PAK3: variants seen among roughly 807,000 people sequenced by gnomAD.
PAK3 encodes the protein p21 (RAC1) activated kinase 3.
PAK3 carries 4 observed loss-of-function variants against 41.0 expected under a neutral mutation model. That is an observed-to-expected ratio of 0.10 (90% CI 0.05 to 0.22). The LOEUF (loss-of-function observed/expected upper bound fraction) is 0.22, where lower values mean the gene tolerates loss of function less well. Among genes scored for constraint, PAK3 ranks in the 10% least tolerant of loss-of-function variants. The pLI is 1.00. For synonymous variants in PAK3, 146 were observed against 139.6 expected (o/e 1.05, Z -0.32); for missense variants, 205 against 409.9 (o/e 0.50, Z 4.32).
chrX:111,168,708 T>C (rs1484836106), intron 10 of PAK3, among the ~76,000 whole-genome samples: 1 of 111,942 alleles, frequency 8.9e-6, no homozygotes, highest in Non-Finnish European at 1.9e-5. Flanking sequence ...AAAGCCACAT[T>C]AACTGAACCC....
chrX:111,201,127 A>G (rs2094677999), intron 16 of PAK3, among the ~76,000 whole-genome samples: 1 of 112,404 alleles, frequency 8.9e-6, no homozygotes, highest in Middle Eastern at 4.7e-3. Context: ...AACTTTGCTC[A>G]TTACTCTCTG....
chrX:111,189,741 T>C (rs1006649630), intron 11 of PAK3, among the ~76,000 whole-genome samples: 1 of 111,930 alleles, frequency 8.9e-6, no homozygotes, highest in Non-Finnish European at 1.9e-5. Flanking sequence ...TTTTAAATCA[T>C]ATTTTGCAAT....
At chrX:111,026,170 C>T (rs961953752) in intron 1 of PAK3, among the ~76,000 whole-genome samples, 1 of 111,668 alleles carries the variant, frequency 9.0e-6, no homozygotes, top group Non-Finnish European at 1.9e-5. Flanking sequence ...GTAATAAAAG[C>T]CATCTACAAC....
upstream of PAK3, among the ~76,000 whole-genome samples, chrX:111,095,635 T>C (rs962702393): frequency 3.6e-5 from 4 of 112,224 alleles, no homozygotes; most frequent in Non-Finnish European, 7.5e-5. Context: ...GTGTGCTTCA[T>C]ATGCAGAAAA....
intron 1 of PAK3, among the ~76,000 whole-genome samples, chrX:111,030,834 C>T (rs987745636): frequency 2.7e-5 from 3 of 111,833 alleles, no homozygotes; most frequent in African/African-American, 9.7e-5. Flanking sequence ...AACAGTGATA[C>T]AAATGCTGCA....
chrX:111,158,332 A>T (rs1307092302), intron 8 of PAK3, among the ~76,000 whole-genome samples: 3 of 112,172 alleles, frequency 2.7e-5, no homozygotes, highest in African/African-American at 9.7e-5. Context: ...TTCCTAAAGT[A>T]AGAAGCTATG....
intron 10 of PAK3, among the ~76,000 whole-genome samples, chrX:111,167,232 T>C (rs987854188): frequency 2.7e-5 from 3 of 111,259 alleles, no homozygotes; most frequent in Non-Finnish European, 5.7e-5. Context: ...AGCCATCAAG[T>C]ATCTTGGACT....
At chrX:111,136,725 C>T (rs915144919) in intron 5 of PAK3, among the ~76,000 whole-genome samples, 6 of 111,681 alleles carry the variant, frequency 5.4e-5, no homozygotes, top group Non-Finnish European at 1.1e-4. Flanking sequence ...TTGAATATTG[C>T]AGAGAAAGGG....
At chrX:111,013,405 T>C (rs1338684597) in intron 1 of PAK3, among the ~76,000 whole-genome samples, 1 of 111,083 alleles carries the variant, frequency 9.0e-6, no homozygotes, top group East Asian at 2.9e-4. Flanking sequence ...AGACCCTAAT[T>C]CCATCTCTCA....
Position 111,088,664 on chromosome X carries a change from G to T in PAK3, c.-27-34413G>T, listed in dbSNP as rs1470156738. 4.5e-5 allele frequency among the ~76,000 whole-genome samples: 5 copies of T among 111,801 alleles called. No homozygotes were observed. In the Admixed American group the frequency reaches 4.7e-4, roughly 11 times the overall value. On this transcript the variant is annotated intron_variant, in intron 1 of 14. Transcript: ENST00000425146. ...ATTAGCCAAAGACTGTCAGAGACAA[G>T]ACTATAGTCCCACAAACTCAAATTT...
At chrX:110,996,969 A>C (rs2091750815) in intron 1 of PAK3, among the ~76,000 whole-genome samples, 1 of 112,175 alleles carries the variant, frequency 8.9e-6, no homozygotes, top group Non-Finnish European at 1.9e-5. Context: ...GAAACACTTT[A>C]GACAGAGTGA....
chrX:111,076,756 C>T (rs186371050), intron 1 of PAK3, among the ~76,000 whole-genome samples: 2 of 112,101 alleles, frequency 1.8e-5, no homozygotes, highest in African/African-American at 3.2e-5. Context: ...TGTTTACAAT[C>T]AAGAACAAGA....
chrX:111,134,530 G>A lies in PAK3; in HGVS notation c.176-7566G>A, dbSNP rs1348699290. Among the ~76,000 whole-genome samples, 5 of 111,895 alleles carry A rather than the reference G, an allele frequency of 4.5e-5. No individual in the cohort carries two copies. In the Admixed American group the frequency reaches 4.7e-4, roughly 11 times the overall value. ...AAACATTGAGTCAGATGCTGTGCTA[G>A]ATAGGTGCTGGGGTACAAAGGTGAA... is the stretch of plus-strand genomic sequence containing the variant. On this transcript the variant is annotated intron_variant, in intron 5 of 17. Coordinates refer to ENST00000372007, the MANE Select transcript of PAK3 (RefSeq NM_002578.5).
intron 1 of PAK3, among the ~76,000 whole-genome samples, chrX:111,084,463 C>T (rs1428411275): frequency 8.9e-6 from 1 of 112,576 alleles, no homozygotes; most frequent in Admixed American, 9.4e-5. Context: ...AAATGTTTAG[C>T]CCTAACTGTG....
chrX:111,093,065 C>T (rs1287590388), upstream of PAK3, among the ~76,000 whole-genome samples: 4 of 111,754 alleles, frequency 3.6e-5, no homozygotes, highest in African/African-American at 6.5e-5. Flanking sequence ...TTATTAAAAG[C>T]CCCATCCCAG....
chrX:111,130,822 A>C (rs1178205215), intron 5 of PAK3, among the ~76,000 whole-genome samples: 1 of 111,638 alleles, frequency 9.0e-6, no homozygotes, highest in Non-Finnish European at 1.9e-5. Flanking sequence ...GGTGTATTAC[A>C]ATGTTCAAAA....
intron 1 of PAK3, among the ~76,000 whole-genome samples, chrX:110,950,020 G>A (rs1462180942): frequency 9.0e-6 from 1 of 111,240 alleles, no homozygotes; most frequent in African/African-American, 3.3e-5. Flanking sequence ...GGTATTAGAA[G>A]TTGTCTTAGA....
intron 1 of PAK3, among the ~76,000 whole-genome samples, chrX:110,968,993 G>A (rs1199845126): frequency 9.4e-6 from 1 of 105,978 alleles, no homozygotes; most frequent in Non-Finnish European, 1.9e-5. Flanking sequence ...TCTATGTTGA[G>A]TTAATTTTGT....
At chrX:111,217,486 G>A in intron 17 of PAK3, 4 of 962,538 alleles carry the variant, frequency 4.2e-6, no homozygotes, top group Non-Finnish European at 5.4e-6. Context: ...ATTAACCACA[G>A]ATTGTCTGTT....
Sources: allele counts gnomAD v4.1 joint callset (sites outside exome capture counted in the v4.1 genomes callset), GRCh38; gene constraint gnomAD v4.1.1; transcripts MANE v1.5; gene names NCBI Gene and HGNC (gene_info 2026-07-23, HGNC 2026-07-21).